The following FHIT variants were observed in gnomAD, a reference collection of about 807,000 sequenced individuals.
FHIT encodes fragile histidine triad diadenosine triphosphatase, also known as bis(5'-adenosyl)-triphosphatase.
FHIT carries 19 observed loss-of-function variants against 17.9 expected under a neutral mutation model. That is an observed-to-expected ratio of 1.06 (90% confidence interval 0.74 to 1.56). The LOEUF is 1.56. FHIT is among the 40% of genes most tolerant of loss of function. FHIT has a pLI of 0.00. For missense variants in FHIT, 248 were observed against 189.2 expected, an observed-to-expected ratio of 1.31 and a Z score of -1.82; for synonymous variants, 81 against 69.7, an observed-to-expected ratio of 1.16 and a Z score of -0.81.
In FHIT at chr3:60,395,133, G is replaced by A. The variant is rs1701383178; in HGVS notation, c.103+141727C>T. Among the ~76,000 whole-genome samples the A allele has an allele frequency of 2.0e-5, 3 of 152,190 alleles. No individual in the cohort carries two copies. In the South Asian group the frequency reaches 6.2e-4, roughly 32 times the overall value. On this transcript the variant is annotated intron_variant, in intron 5 of 9. Coordinates refer to ENST00000492590, the MANE Select transcript of FHIT (RefSeq NM_002012.4). Reference sequence around the variant, plus strand: ...TAGTTGAAACGGCAGAAATAGAATTGAGTAGAAAGGTCAGGCTAGATGCAG... The same window carrying A: ...TAGTTGAAACGGCAGAAATAGAATTAAGTAGAAAGGTCAGGCTAGATGCAG...
intron 4 of FHIT, among the ~76,000 whole-genome samples, chr3:60,814,596 C>G: frequency 6.6e-6 from 1 of 152,140 alleles, no homozygotes. Flanking sequence ...TTTTCTTTAT[C>G]TGATCCACCA....
intron 1 of FHIT, among the ~76,000 whole-genome samples, chr3:61,236,049 C>T (rs1164507284): frequency 1.3e-5 from 2 of 151,706 alleles, no homozygotes; most frequent in African/African-American, 4.8e-5. Context: ...GGTAAGTTCT[C>T]TTACTATCCC....
chr3:60,306,337 T>C (rs534973205), intron 5 of FHIT, among the ~76,000 whole-genome samples: 3 of 152,160 alleles, frequency 2.0e-5, no homozygotes, highest in Non-Finnish European at 4.4e-5. Context: ...ATTTCACTGG[T>C]GACTTTAGTC....
At chr3:61,093,791 C>T (rs1251411479) in intron 2 of FHIT, among the ~76,000 whole-genome samples, 1 of 152,156 alleles carries the variant, frequency 6.6e-6, no homozygotes, top group Non-Finnish European at 1.5e-5. Context: ...ATGCCCACTG[C>T]GTATAACCAG....
rs532836407 is a variant in FHIT at position 59,887,965 on chromosome 3, GA to G, written c.348+34380del. On this transcript the variant is annotated intron_variant, in intron 8 of 9. Coordinates refer to ENST00000492590, the MANE Select transcript of FHIT (RefSeq NM_002012.4). ...GCATGCAGGGGCCAAAGTTTAGCCT[GA>G]AGGAGAGATACCTTCATCAATAAAA... Among the ~76,000 whole-genome samples, 815 of 152,310 alleles carry G rather than the reference GA, an allele frequency of 5.4e-3. 6 individuals are homozygous for G. Among genetic ancestry groups the G allele is most frequent in the Non-Finnish European group, 8.1e-3 (552 of 68,018 alleles).
intron 4 of FHIT, among the ~76,000 whole-genome samples, chr3:60,560,842 C>CAGAGAG (rs1473909531): frequency 7.8e-4 from 96 of 123,492 alleles, no homozygotes; most frequent in Admixed American, 1.4e-3. Flanking sequence ...CACACACACA[C>CAGAGAG]ACAGAGAGAG....
chr3:60,447,069 G>C (rs1041086140), intron 5 of FHIT, among the ~76,000 whole-genome samples: 1 of 152,036 alleles, frequency 6.6e-6, no homozygotes, highest in African/African-American at 2.4e-5. Flanking sequence ...CTAGCTGCCT[G>C]TTTTCTCAAC....
At chr3:60,373,765 A>G (rs1056787112) in intron 5 of FHIT, among the ~76,000 whole-genome samples, 2 of 152,190 alleles carry the variant, frequency 1.3e-5, no homozygotes, top group Non-Finnish European at 2.9e-5. Context: ...ACGTCTATCT[A>G]ACCAGAATGC....
intron 1 of FHIT, among the ~76,000 whole-genome samples, chr3:61,203,349 CAA>C (rs1181915724): frequency 5.3e-5 from 6 of 112,554 alleles, no homozygotes; most frequent in Admixed American, 9.2e-5. Flanking sequence ...AACTTTTTCT[CAA>C]AAAAAAAAAA....
chr3:60,727,779 G>A (rs1487386654), intron 4 of FHIT, among the ~76,000 whole-genome samples: 3 of 152,112 alleles, frequency 2.0e-5, no homozygotes, highest in Non-Finnish European at 4.4e-5. Flanking sequence ...CGAGGCGGGC[G>A]GATCACAAGG....
At chr3:60,966,052 G>A (rs937000754) in intron 3 of FHIT, among the ~76,000 whole-genome samples, 11 of 152,150 alleles carry the variant, frequency 7.2e-5, no homozygotes, top group South Asian at 2.1e-4. Context: ...GTCTACAGAG[G>A]CAGGCAGGCC....
intron 8 of FHIT, among the ~76,000 whole-genome samples, chr3:59,883,086 C>A (rs1703475727): frequency 6.6e-6 from 1 of 151,938 alleles, no homozygotes; most frequent in South Asian, 2.1e-4. Context: ...TGGTTTGTAC[C>A]AGATCACAAG....
intron 2 of FHIT, among the ~76,000 whole-genome samples, chr3:61,164,198 A>C (rs1040815094): frequency 6.6e-6 from 1 of 152,238 alleles, no homozygotes; most frequent in Non-Finnish European, 1.5e-5. Flanking sequence ...AAAGTCTCTG[A>C]AAGTCCTCTC....
chr3:61,213,547 A>T (rs2039561710), intron 1 of FHIT, among the ~76,000 whole-genome samples: 1 of 152,320 alleles, frequency 6.6e-6, no homozygotes, highest in Admixed American at 6.5e-5. Context: ...ACTCCCACAC[A>T]ATAAGAATGG....
intron 5 of FHIT, among the ~76,000 whole-genome samples, chr3:60,137,519 A>C (rs940839000): frequency 6.6e-6 from 1 of 152,034 alleles, no homozygotes; most frequent in Non-Finnish European, 1.5e-5. Context: ...GCTGCCAGAC[A>C]CTCTTGTTTC....
intron 8 of FHIT, among the ~76,000 whole-genome samples, chr3:59,762,810 C>G (rs1701591851): frequency 6.6e-6 from 1 of 152,180 alleles, no homozygotes; most frequent in South Asian, 2.1e-4. Context: ...CAGGCGCCAT[C>G]ATATCTGAAC....
intron 3 of FHIT, among the ~76,000 whole-genome samples, chr3:60,885,109 G>A (rs934162200): frequency 4.6e-5 from 7 of 151,960 alleles, no homozygotes; most frequent in African/African-American, 1.4e-4. Context: ...TAGATAGAAG[G>A]AATAAGTTCT....
intron 5 of FHIT, among the ~76,000 whole-genome samples, chr3:60,173,054 T>C (rs1026143129): frequency 2.6e-5 from 4 of 152,188 alleles, no homozygotes; most frequent in African/African-American, 7.2e-5. Context: ...AAAGCAATTA[T>C]AAATCATGAT....
At chr3:60,654,068 C>A (rs1224084930) in intron 4 of FHIT, among the ~76,000 whole-genome samples, 6 of 150,308 alleles carry the variant, frequency 4.0e-5, no homozygotes, top group African/African-American at 1.5e-4. Context: ...ACCTCGCTTC[C>A]CCACTCTCTC....
Sources: allele counts gnomAD v4.1 joint callset (sites outside exome capture counted in the v4.1 genomes callset), GRCh38; gene constraint gnomAD v4.1.1; transcripts MANE v1.5; gene names NCBI Gene and HGNC (gene_info 2026-07-23, HGNC 2026-07-21).